The following NFIX variants were observed in gnomAD, a reference collection of about 807,000 sequenced individuals.
NFIX encodes nuclear factor 1 X-type.
Under a neutral mutation model 53.3 loss-of-function variants are expected in NFIX, and 2 were observed. The observed-to-expected ratio is 0.04, with a 90% CI of 0.02 to 0.12. The LOEUF (loss-of-function observed/expected upper bound fraction) is 0.12. Ranked by LOEUF, NFIX falls within the 10% of genes least tolerant of loss-of-function variation. NFIX has a pLI of 1.00. For synonymous variants in NFIX, 244 were observed against 289.0 expected (o/e 0.84, Z 1.58); for missense variants, 310 against 674.5 (o/e 0.46, Z 5.99).
chr19:13,036,161 G>A lies in NFIX; in HGVS notation c.559+10609G>A, dbSNP rs1364684986. On this transcript the variant is annotated intron_variant, in intron 2 of 10. Transcript: ENST00000592199. This position sits in a 1 kb window ranked among gnomAD's most constrained non-coding sequence, Gnocchi z 4.7. The stretch of plus-strand genomic sequence containing the variant: ...ATCCTGCTTGGCTGCACCTGGCTTG[G>A]CCTCTGGAGTCGACTTCCCAAGTCT... Among the ~76,000 whole-genome samples the A allele has an allele frequency of 6.6e-6, 1 of 152,198 alleles. No homozygotes were observed. Among genetic ancestry groups the A allele is most frequent in the East Asian group, 1.9e-4 (1 of 5,200 alleles).
chr19:13,065,315 C>G (rs2016334568), intron 2 of NFIX, among the ~76,000 whole-genome samples: 3 of 152,212 alleles, frequency 2.0e-5, no homozygotes, highest in Admixed American at 2.0e-4. Context: ...TTTTTCTTTG[C>G]CTTCTTCCTT....
At position 13,098,507 on chromosome 19, in the gene NFIX, G is replaced by A; in HGVS notation, c.*3858G>A. The A allele has an allele frequency of 8.0e-6, 1 of 125,540 alleles. No individual in the cohort carries two copies. 7.8% of individuals were successfully genotyped at this position (125,540 alleles called of 1,614,324 possible). A position where few individuals can be genotyped will look rare whatever the true frequency, so the allele number is the denominator to read the frequency against. ...TCCCCCTTAGCGTCCCCCTCCCTCT[G>A]CTCCTCCTCCTTCAGCCTGGTCTCC... On this transcript the variant is annotated 3_prime_UTR_variant, in exon 11 of 11. Coordinates refer to ENST00000592199, the MANE Select transcript of NFIX (RefSeq NM_001365902.3).
intron 1 of NFIX, chr19:13,023,929 G>GCCCCCCCC: frequency 3.1e-6 from 2 of 642,334 alleles, no homozygotes; most frequent in Non-Finnish European, 5.4e-6. Context: ...TTCCTCCCCT[G>GCCCCCCCC]CTCCTCCTCC....
intron 2 of NFIX, among the ~76,000 whole-genome samples, chr19:13,041,971 C>T (rs1048115868): frequency 1.7e-4 from 26 of 151,860 alleles, no homozygotes; most frequent in East Asian, 9.7e-4. Flanking sequence ...AATCTCAGGT[C>T]GCTGCAAGTT....
In NFIX at chr19:13,073,437, A is replaced by C; in HGVS notation, c.638A>C (p.Gln213Pro). Residue 213 changes from glutamine to proline, a missense_variant, in exon 4 of 11, where the codon CAG becomes CCG. By Grantham distance (76) the Gln-to-Pro change is moderately conservative. This residue lies in a region of NFIX where 164 missense variants were observed against 284.4 expected (regional missense o/e 0.58). Transcript: ENST00000592199. The surrounding 1 kb of genome is among the most constrained non-coding windows in gnomAD (Gnocchi z 4.5). ...KPLPNGHLSF[Q>P]DCFVTSGVWN... ...CCCTCTTCAGGGCACTTAAGTTTCC[A>C]GGACTGTTTTGTGACTTCCGGGGTC... 1 of 1,614,008 alleles carries C rather than the reference A, an allele frequency of 6.2e-7. No individual in the cohort carries two copies. The highest frequency in any genetic ancestry group is 1.1e-5 in the South Asian group (1 of 91,086).
At chr19:13,059,480 G>A (rs2015920870) in intron 2 of NFIX, among the ~76,000 whole-genome samples, 1 of 152,220 alleles carries the variant, frequency 6.6e-6, no homozygotes, top group Non-Finnish European at 1.5e-5. Context: ...CGTGAGGCCA[G>A]GGGACTGTCA....
chr19:12,997,422 C>T (rs1244946754), intron 1 of NFIX, among the ~76,000 whole-genome samples: 6 of 152,294 alleles, frequency 3.9e-5, no homozygotes, highest in South Asian at 4.1e-4. Flanking sequence ...GAGGGCGCAC[C>T]GGCATGCATA....
In NFIX at chr19:13,022,133, A is replaced by G. The variant is rs1431716477; in HGVS notation, c.28-2888A>G. 6.6e-6 allele frequency among the ~76,000 whole-genome samples: 1 copy of G among 152,114 alleles called. No individual in the cohort carries two copies. Among genetic ancestry groups the G allele is most frequent in the African/African-American group, 2.4e-5 (1 of 41,398 alleles). Reference sequence around the variant, plus strand: ...TTGCCTCTGCTCAGAGGTAGTGTCCATCTTTTTGCCTTTGTCACTTCTCCC... The same window carrying G: ...TTGCCTCTGCTCAGAGGTAGTGTCCGTCTTTTTGCCTTTGTCACTTCTCCC... On this transcript the variant is annotated intron_variant, in intron 1 of 10. Transcript: ENST00000592199. This position sits in a 1 kb window ranked among gnomAD's most constrained non-coding sequence, Gnocchi z 4.5.
chr19:12,997,575 G>C (rs2011515260), intron 1 of NFIX, among the ~76,000 whole-genome samples: 1 of 152,352 alleles, frequency 6.6e-6, no homozygotes, highest in Non-Finnish European at 1.5e-5. Flanking sequence ...CGGTGTCTGA[G>C]CTGGGCCTCT....
intron 1 of NFIX, among the ~76,000 whole-genome samples, chr19:13,017,625 G>C (rs1031767298): frequency 1.3e-5 from 2 of 152,134 alleles, no homozygotes; most frequent in South Asian, 2.1e-4. Context: ...CTGCCTTTTG[G>C]GTTTTGTCAC....
chr19:13,024,575 CTG>C, intron 1 of NFIX: 1 of 1,535,590 alleles, frequency 6.5e-7, no homozygotes, highest in South Asian at 1.2e-5. Context: ...CCACGGGCGT[CTG>C]TGCAGACGGA....
At chr19:13,077,783 C>T (rs1395498881) in intron 6 of NFIX, among the ~76,000 whole-genome samples, 3 of 152,214 alleles carry the variant, frequency 2.0e-5, no homozygotes, top group Admixed American at 6.5e-5. Context: ...AACCTGGCCC[C>T]CTGGGGGCCC....
chr19:13,088,174 G>A lies in NFIX; in HGVS notation c.1402+38G>A, dbSNP rs931753321. 17 of 1,534,818 alleles carry A rather than the reference G, an allele frequency of 1.1e-5. No homozygotes were observed. Among genetic ancestry groups the A allele is most frequent in the African/African-American group, 6.9e-5 (5 of 72,988 alleles). The stretch of plus-strand genomic sequence containing the variant: ...TGAAACCGAAACCACAACGCCCAGC[G>A]TCCCCGGCCCGTCCAAACAGTCTCC... On this transcript the variant is annotated intron_variant, in intron 9 of 10. Coordinates refer to ENST00000592199, the MANE Select transcript of NFIX (RefSeq NM_001365902.3). The surrounding 1 kb of genome is among the most constrained non-coding windows in gnomAD (Gnocchi z 5.9).
rs975972165 is a variant in NFIX at position 13,081,425 on chromosome 19, C to T, written c.1079-255C>T. Among the ~76,000 whole-genome samples, 28 of 152,324 alleles carry T rather than the reference C, an allele frequency of 1.8e-4. No individual in the cohort carries two copies. The highest frequency in any genetic ancestry group is 6.5e-4 in the African/African-American group (27 of 41,566). On this transcript the variant is annotated intron_variant, in intron 7 of 10. Transcript: ENST00000592199. This position sits in a 1 kb window ranked among gnomAD's most constrained non-coding sequence, Gnocchi z 4.7. ...TGTGATCAAACTTTATTTACAAAAA[C>T]AAATGGCTGGCCTTTGGACCCTAGT...
At chr19:13,023,070 TTCTCTCTC>T (rs3840930) in intron 1 of NFIX, among the ~76,000 whole-genome samples, 85 of 138,130 alleles carry the variant, frequency 6.2e-4, no homozygotes, top group African/African-American at 2.4e-3. Context: ...TTCTCTCTCT[TTCTCTCTC>T]TCTCTCTCTC....
intron 2 of NFIX, among the ~76,000 whole-genome samples, chr19:13,058,837 A>G (rs1045462259): frequency 1.3e-5 from 2 of 152,026 alleles, no homozygotes; most frequent in Admixed American, 6.5e-5. Context: ...CAAGGTGGGG[A>G]GGGGTAGGTC....
Position 13,097,550 on chromosome 19 carries a change from C to G in NFIX, c.*2901C>G, listed in dbSNP as rs757448796. The G allele has an allele frequency of 3.3e-5, 5 of 152,528 alleles. No individual in the cohort carries two copies. Among genetic ancestry groups the G allele is most frequent in the African/African-American group, 1.2e-4 (5 of 41,394 alleles). 9.4% of individuals were successfully genotyped at this position (152,528 alleles called of 1,614,324 possible). On this transcript the variant is annotated 3_prime_UTR_variant, in exon 11 of 11. Coordinates refer to ENST00000592199, the MANE Select transcript of NFIX (RefSeq NM_001365902.3). ...TTTAACGGAACGGGACAGCGGCGTG[C>G]CCCCGGCGGCTGGACTGCTCCGGCC...
In NFIX at chr19:13,002,818, G is replaced by T. The variant is rs971751184; in HGVS notation, c.27+6954G>T. Among the ~76,000 whole-genome samples the T allele has an allele frequency of 2.0e-5, 3 of 152,170 alleles. No individual in the cohort carries two copies. The highest frequency in any genetic ancestry group is 7.2e-5 in the African/African-American group (3 of 41,456). ...CACCCTGAGGGGAGCCGGGGGTGGT[G>T]GCCAGCAGTGGGCAGGGGGCAGTGC... is the stretch of plus-strand genomic sequence containing the variant. On this transcript the variant is annotated intron_variant, in intron 1 of 10. Transcript: ENST00000592199. The surrounding 1 kb of genome is among the most constrained non-coding windows in gnomAD (Gnocchi z 6.1).
In NFIX at chr19:13,095,834, TCCCCGCCC is replaced by T. The variant is rs950599401; in HGVS notation, c.*1189_*1196del. ...CTGTGCCCCCCGACTTTCCCCCGCCTCCCCGCCCCCCACGTGGCCACTTTTCTCTGGAT... is the reference window on the plus strand; with the variant it reads ...CTGTGCCCCCCGACTTTCCCCCGCCTCCCACGTGGCCACTTTTCTCTGGAT... On this transcript the variant is annotated 3_prime_UTR_variant, in exon 11 of 11. Coordinates refer to ENST00000592199, the MANE Select transcript of NFIX (RefSeq NM_001365902.3). 1.1e-4 allele frequency: 9 copies of T among 84,084 alleles called. No homozygotes were observed. Among genetic ancestry groups the T allele is most frequent in the African/African-American group, 4.3e-4 (9 of 21,078 alleles). 5.2% of individuals were successfully genotyped at this position (84,084 alleles called of 1,614,324 possible).
Sources: gnomAD v4.1 joint callset for allele counts (sites outside exome capture counted in the v4.1 genomes callset) on GRCh38, gnomAD v4.1.1 for gene constraint, gnomAD v4.1.1 regional missense constraint, Gnocchi (gnomAD v3.1) non-coding constraint, MANE v1.5 for transcripts, NCBI Gene and HGNC (gene_info 2026-07-23, HGNC 2026-07-21) for gene names.